Variants in OTUD7A observed in about 807,000 individuals in gnomAD.
OTUD7A encodes the protein OTU deubiquitinase 7A, also known as OTU domain-containing protein 7A.
OTUD7A carries 12 observed loss-of-function variants against 65.7 expected under a neutral mutation model. The observed-to-expected ratio is 0.18, with a 90% CI of 0.12 to 0.30. OTUD7A has a LOEUF of 0.30. Among genes scored for constraint, OTUD7A ranks in the 10% least tolerant of loss-of-function variants. OTUD7A has a pLI of 1.00. For synonymous variants in OTUD7A, 641 were observed against 586.3 expected (o/e 1.09, Z -1.35); for missense variants, 1,148 against 1,304.8 (o/e 0.88, Z 1.85).
chr15:31,728,636 T>C (rs140184522), intron 1 of OTUD7A, among the ~76,000 whole-genome samples: 249 of 152,366 alleles, frequency 1.6e-3, no homozygotes, highest in Middle Eastern at 0.01. Flanking sequence ...GAATCTTTCC[T>C]GTAAGGACTC....
chr15:31,598,128 C>T (rs571960404), intron 3 of OTUD7A, among the ~76,000 whole-genome samples: 2 of 152,278 alleles, frequency 1.3e-5, no homozygotes, highest in Admixed American at 6.5e-5. Context: ...GCTCTCCGCT[C>T]GCAGTCAGCC....
At chr15:31,862,436 C>T (rs556570753) in intron 1 of OTUD7A, among the ~76,000 whole-genome samples, 6 of 152,206 alleles carry the variant, frequency 3.9e-5, no homozygotes, top group Non-Finnish European at 7.4e-5. Context: ...AAGACATACC[C>T]GAAACTGGGA....
chr15:31,838,005 T>C (rs539705427), intron 1 of OTUD7A, among the ~76,000 whole-genome samples: 64 of 152,300 alleles, frequency 4.2e-4, no homozygotes, highest in African/African-American at 1.5e-3. Flanking sequence ...CTTGACAAAG[T>C]AGAAAAAGCA....
chr15:31,733,720 G>A (rs970305036), intron 1 of OTUD7A, among the ~76,000 whole-genome samples: 17 of 152,130 alleles, frequency 1.1e-4, no homozygotes, highest in African/African-American at 3.4e-4. Flanking sequence ...GTCACCATGG[G>A]GTCAGCTATA....
At position 31,559,202 on chromosome 15, in the gene OTUD7A, G is replaced by T. The variant is rs371039161; in HGVS notation, c.332-15C>A. 10 of 1,609,588 alleles carry T rather than the reference G, an allele frequency of 6.2e-6. No homozygotes were observed. Among genetic ancestry groups the T allele is most frequent in the Non-Finnish European group, 8.5e-6 (10 of 1,177,396 alleles). ...AAGCCGCTTTTCTGCAGGGGGAGAA[G>T]GAAAGATAGCCCCAAGGGCTGAGTG... On this transcript the variant is annotated splice_polypyrimidine_tract_variant and intron_variant, in intron 4 of 12. Coordinates refer to ENST00000307050, the MANE Select transcript of OTUD7A (RefSeq NM_001382637.1).
At chr15:31,747,116 A>G (rs1016908825) in intron 1 of OTUD7A, among the ~76,000 whole-genome samples, 1 of 152,144 alleles carries the variant, frequency 6.6e-6, no homozygotes, top group Non-Finnish European at 1.5e-5. Context: ...TGTATTCTAG[A>G]TTTGAACAAA....
intron 1 of OTUD7A, among the ~76,000 whole-genome samples, chr15:31,692,515 G>C (rs1011721558): frequency 2.6e-5 from 3 of 115,810 alleles, no homozygotes; most frequent in Non-Finnish European, 5.8e-5. Flanking sequence ...AAGAGGTAGA[G>C]AGTAGAACAG....
At chr15:31,598,991 A>AG (rs770464001) in intron 3 of OTUD7A, among the ~76,000 whole-genome samples, 42 of 152,260 alleles carry the variant, frequency 2.8e-4, no homozygotes, top group Admixed American at 1.6e-3. Context: ...CTAAAAAAAA[A>AG]GGCAGCAGCC....
rs1377460847 is a variant in OTUD7A at position 31,692,625 on chromosome 15, A to G, written c.-99-35548T>C. ...GAAGAAATTCATTCTTGTATTTGAT[A>G]CCATAGTAGGAAAATTATAGTTAAC... On this transcript the variant is annotated intron_variant, in intron 1 of 12. Transcript: ENST00000307050. 2.2e-4 allele frequency among the ~76,000 whole-genome samples: 27 copies of G among 124,344 alleles called. 2 individuals are homozygous for G. The highest frequency in any genetic ancestry group is 7.1e-4 in the African/African-American group (27 of 38,114). The allele number at this position is 124,344 out of a possible 152,430, so 81.6% of individuals were successfully genotyped here.
chr15:31,572,332 T>C (rs1889079386), intron 3 of OTUD7A, among the ~76,000 whole-genome samples: 1 of 152,182 alleles, frequency 6.6e-6, no homozygotes, highest in Admixed American at 6.5e-5. Flanking sequence ...CAAGACAGTA[T>C]AGCTGTATGG....
intron 10 of OTUD7A, among the ~76,000 whole-genome samples, chr15:31,501,451 G>A (rs1379887402): frequency 6.6e-6 from 1 of 152,176 alleles, no homozygotes; most frequent in Non-Finnish European, 1.5e-5. Context: ...CTATTTAAGG[G>A]TAGGTTGCCT....
chr15:31,587,650 A>G (rs1889588325), intron 3 of OTUD7A, among the ~76,000 whole-genome samples: 1 of 152,080 alleles, frequency 6.6e-6, no homozygotes, highest in Non-Finnish European at 1.5e-5. Flanking sequence ...AAAAAAAAAA[A>G]AAAAGAAAAT....
chr15:31,868,973 G>C (rs745543955), intron 1 of OTUD7A, among the ~76,000 whole-genome samples: 3 of 152,084 alleles, frequency 2.0e-5, no homozygotes, highest in Non-Finnish European at 4.4e-5. Flanking sequence ...ACAATTTAAG[G>C]CATGCTTATT....
intron 10 of OTUD7A, among the ~76,000 whole-genome samples, chr15:31,496,793 C>T (rs1488233518): frequency 2.6e-5 from 4 of 152,110 alleles, no homozygotes; most frequent in African/African-American, 9.7e-5. Context: ...TTCCATGGCC[C>T]GGTGGGTAGA....
chr15:31,815,738 T>C (rs2140966488), intron 1 of OTUD7A, among the ~76,000 whole-genome samples: 2 of 152,328 alleles, frequency 1.3e-5, no homozygotes, highest in East Asian at 3.9e-4. Flanking sequence ...ACCCAAAGCA[T>C]AGCATTGGAA....
At chr15:31,682,725 T>TA (rs1417397307) in intron 1 of OTUD7A, among the ~76,000 whole-genome samples, 1 of 152,222 alleles carries the variant, frequency 6.6e-6, no homozygotes, top group Non-Finnish European at 1.5e-5. Context: ...GGTGTGCCTG[T>TA]ATGTTTAGGT....
intron 5 of OTUD7A, among the ~76,000 whole-genome samples, chr15:31,537,359 T>C (rs1031440313): frequency 3.9e-5 from 6 of 152,208 alleles, no homozygotes; most frequent in African/African-American, 1.4e-4. Flanking sequence ...AAAGCATGTA[T>C]TAAAATTAAC....
At chr15:31,627,323 G>A (rs1293143549) in intron 3 of OTUD7A, among the ~76,000 whole-genome samples, 12 of 141,246 alleles carry the variant, frequency 8.5e-5, no homozygotes, top group Non-Finnish European at 1.6e-4. Context: ...TCCCACCTAT[G>A]AGTGAGAACA....
chr15:31,783,446 C>A (rs1267878750), intron 1 of OTUD7A, among the ~76,000 whole-genome samples: 1 of 152,166 alleles, frequency 6.6e-6, no homozygotes, highest in Non-Finnish European at 1.5e-5. Flanking sequence ...GAAGAAGCCG[C>A]ACAAATTAAG....
Sources: gnomAD v4.1 joint callset for allele counts (sites outside exome capture counted in the v4.1 genomes callset) on GRCh38, gnomAD v4.1.1 for gene constraint, MANE v1.5 for transcripts, NCBI Gene and HGNC (gene_info 2026-07-23, HGNC 2026-07-21) for gene names.